SPAG16: variants seen among roughly 807,000 people sequenced by gnomAD.
SPAG16 encodes the protein sperm associated antigen 16, also known as sperm-associated antigen 16 protein.
SPAG16 carries 86 observed loss-of-function variants against 80.4 expected under a neutral mutation model. The observed-to-expected ratio is 1.07, with a 90% confidence interval of 0.90 to 1.28. The LOEUF is 1.28. Among genes scored for constraint, SPAG16 ranks in the 50% most tolerant of loss-of-function variants. The probability of loss-of-function intolerance (pLI) is 0.00; values close to 1 mark genes in which losing one functional copy is unlikely to be tolerated. For missense variants in SPAG16, 870 were observed against 765.3 expected (o/e 1.14, Z -1.61); for synonymous variants, 294 against 265.9 (o/e 1.11, Z -1.03).
intron 7 of SPAG16, among the ~76,000 whole-genome samples, chr2:213,358,427 G>C (rs963057878): frequency 2.0e-5 from 3 of 152,070 alleles, no homozygotes; most frequent in African/African-American, 7.2e-5. Flanking sequence ...TTCACATAGT[G>C]CCATATTTCT....
intron 10 of SPAG16, among the ~76,000 whole-genome samples, chr2:213,730,269 T>A (rs2066971578): frequency 6.6e-6 from 1 of 152,212 alleles, no homozygotes; most frequent in African/African-American, 2.4e-5. Context: ...GTGGCTGTGG[T>A]TGATGGCAAA....
At chr2:213,336,960 G>A (rs1271727671) in intron 5 of SPAG16, among the ~76,000 whole-genome samples, 3 of 152,152 alleles carry the variant, frequency 2.0e-5, no homozygotes, top group Admixed American at 1.3e-4. Flanking sequence ...ACTCATATGG[G>A]AGAATTCCAA....
intron 6 of SPAG16, among the ~76,000 whole-genome samples, chr2:213,347,457 T>A (rs1191509267): frequency 1.3e-5 from 2 of 152,006 alleles, no homozygotes; most frequent in Non-Finnish European, 2.9e-5. Flanking sequence ...TTGCTTCTCT[T>A]GTTCTTTTAA....
chr2:213,946,566 A>G (rs2079482896), intron 12 of SPAG16, among the ~76,000 whole-genome samples: 1 of 152,230 alleles, frequency 6.6e-6, no homozygotes, highest in African/African-American at 2.4e-5. Flanking sequence ...TGGTAGTTTC[A>G]GAGTATCCTT....
intron 15 of SPAG16, among the ~76,000 whole-genome samples, chr2:214,358,986 A>G (rs1243751898): frequency 2.0e-5 from 3 of 151,834 alleles, no homozygotes; most frequent in African/African-American, 7.2e-5. Context: ...TGACTTTCTT[A>G]CAGTTTCACA....
chr2:213,561,842 C>T (rs529184653), intron 10 of SPAG16, among the ~76,000 whole-genome samples: 4 of 152,124 alleles, frequency 2.6e-5, no homozygotes, highest in East Asian at 1.9e-4. Flanking sequence ...TTGAATGTTC[C>T]GGTATGTAAT....
At chr2:214,101,334 G>C (rs567159297) in intron 13 of SPAG16, among the ~76,000 whole-genome samples, 2 of 152,062 alleles carry the variant, frequency 1.3e-5, no homozygotes, top group East Asian at 3.9e-4. Context: ...TGTCCTTCAT[G>C]GGTTGGAAGA....
chr2:214,329,989 G>T (rs989342562), intron 15 of SPAG16, among the ~76,000 whole-genome samples: 1 of 152,042 alleles, frequency 6.6e-6, no homozygotes, highest in African/African-American at 2.4e-5. Context: ...AGTTTAGGCT[G>T]GGTGCGGTGG....
intron 10 of SPAG16, among the ~76,000 whole-genome samples, chr2:213,722,250 G>A (rs779133176): frequency 6.6e-6 from 1 of 152,214 alleles, no homozygotes; most frequent in Non-Finnish European, 1.5e-5. Context: ...GGTGGATAGA[G>A]TGTAGAAATG....
At chr2:213,950,267 A>ATT (rs1340688002) in intron 12 of SPAG16, among the ~76,000 whole-genome samples, 5 of 151,984 alleles carry the variant, frequency 3.3e-5, no homozygotes, top group Admixed American at 6.6e-5. Flanking sequence ...ATGTATCTTT[A>ATT]TTTTTCTTTA....
intron 12 of SPAG16, among the ~76,000 whole-genome samples, chr2:213,951,733 A>G (rs1353148416): frequency 6.6e-6 from 1 of 152,210 alleles, no homozygotes; most frequent in Non-Finnish European, 1.5e-5. Context: ...AGCCAGGAAT[A>G]TGCCAAAATG....
intron 9 of SPAG16, among the ~76,000 whole-genome samples, chr2:213,379,350 A>G (rs2067048721): frequency 6.6e-6 from 1 of 152,214 alleles, no homozygotes; most frequent in African/African-American, 2.4e-5. Context: ...ATTGTCACCT[A>G]GTTCGTGTTG....
At chr2:214,392,623 G>C (rs1317341888) in intron 15 of SPAG16, among the ~76,000 whole-genome samples, 1 of 151,216 alleles carries the variant, frequency 6.6e-6, no homozygotes, top group Non-Finnish European at 1.5e-5. Flanking sequence ...GAATAGTATT[G>C]AAAGAAGTTT....
intron 10 of SPAG16, among the ~76,000 whole-genome samples, chr2:213,776,897 T>A (rs1336320402): frequency 7.3e-6 from 1 of 136,602 alleles, no homozygotes; most frequent in African/African-American, 2.7e-5. Context: ...AAGATTAACA[T>A]AATTTTAGCA....
chr2:213,555,283 T>A (rs533576898), intron 10 of SPAG16, among the ~76,000 whole-genome samples: 1 of 152,306 alleles, frequency 6.6e-6, no homozygotes, highest in South Asian at 2.1e-4. Flanking sequence ...TAAATTGTAA[T>A]CCCTATAATC....
intron 10 of SPAG16, among the ~76,000 whole-genome samples, chr2:213,679,574 T>G (rs2064277449): frequency 6.6e-6 from 1 of 152,174 alleles, no homozygotes; most frequent in East Asian, 1.9e-4. Context: ...ACTTCCTACT[T>G]ATTTTGTTCT....
intron 13 of SPAG16, among the ~76,000 whole-genome samples, chr2:214,080,053 G>T (rs894132047): frequency 2.0e-5 from 3 of 151,990 alleles, no homozygotes; most frequent in Non-Finnish European, 4.4e-5. Context: ...AAATATCTCA[G>T]TTTGTCCATC....
intron 10 of SPAG16, among the ~76,000 whole-genome samples, chr2:213,516,594 AT>A (rs1352747267): frequency 6.6e-6 from 1 of 152,072 alleles, no homozygotes; most frequent in Non-Finnish European, 1.5e-5. Flanking sequence ...GCCAGGCACT[AT>A]TTTAGGTGGT....
intron 10 of SPAG16, among the ~76,000 whole-genome samples, chr2:213,760,738 T>C (rs574164821): frequency 3.0e-4 from 46 of 152,328 alleles, no homozygotes; most frequent in Non-Finnish European, 6.6e-4. Context: ...TTTTTGCTGT[T>C]ATAACAAAAT....
Sources: allele counts gnomAD v4.1 joint callset (sites outside exome capture counted in the v4.1 genomes callset), GRCh38; gene constraint gnomAD v4.1.1; transcripts MANE v1.5; gene names NCBI Gene and HGNC (gene_info 2026-07-23, HGNC 2026-07-21).